The following CIMAP3 variants were observed in gnomAD, a reference collection of about 807,000 sequenced individuals.
CIMAP3 encodes ciliary microtubule associated protein 3.
chr1:111,338,920 A>G, the CIMAP3 span, among the ~76,000 whole-genome samples: 101 of 152,348 alleles, frequency 6.6e-4, 2 homozygotes, highest in East Asian at 9.0e-3. Flanking sequence ...ATTTTAGACC[A>G]ATATCCTTGA....
chr1:111,346,881 TC>T, the CIMAP3 span: 6 of 1,609,808 alleles, frequency 3.7e-6, no homozygotes, highest in Non-Finnish European at 5.1e-6. Context: ...GTGCCGTCCC[TC>T]ACGTGGAGCC....
chr1:111,326,869 G>T, the CIMAP3 span, among the ~76,000 whole-genome samples: 1 of 152,026 alleles, frequency 6.6e-6, no homozygotes, highest in East Asian at 1.9e-4. Flanking sequence ...TCATATCCAC[G>T]TTAGCCATTT....
chr1:111,337,776 A>C, the CIMAP3 span, among the ~76,000 whole-genome samples: 58 of 152,202 alleles, frequency 3.8e-4, no homozygotes, highest in Non-Finnish European at 1.3e-4. Context: ...TGTCAGCATT[A>C]GACAGATCAA....
the CIMAP3 span, among the ~76,000 whole-genome samples, chr1:111,350,543 C>T: frequency 6.6e-6 from 1 of 152,274 alleles, no homozygotes; most frequent in Non-Finnish European, 1.5e-5. Context: ...GTGCAGGTTT[C>T]ACTACTGGAA....
the CIMAP3 span, among the ~76,000 whole-genome samples, chr1:111,328,423 G>T: frequency 6.6e-6 from 1 of 152,178 alleles, no homozygotes; most frequent in Non-Finnish European, 1.5e-5. Context: ...CTTCCTCAGT[G>T]ATCTGTCTAA....
chr1:111,339,814 C>A, the CIMAP3 span, among the ~76,000 whole-genome samples: 4 of 151,972 alleles, frequency 2.6e-5, no homozygotes, highest in African/African-American at 9.7e-5. Flanking sequence ...CCATCCCCAT[C>A]AAGCTACCAA....
At chr1:111,350,074 A>C in the CIMAP3 span, 1 of 1,556,610 alleles carries the variant, frequency 6.4e-7, no homozygotes, top group Non-Finnish European at 8.9e-7. Context: ...TCACTAACTC[A>C]TTAGACATGA....
chr1:111,345,960 T>C, the CIMAP3 span, among the ~76,000 whole-genome samples: 1 of 152,278 alleles, frequency 6.6e-6, no homozygotes, highest in East Asian at 1.9e-4. Context: ...GGAATTTTTA[T>C]TCCCAATTTA....
chr1:111,350,211 C>G, the CIMAP3 span: 3 of 1,609,852 alleles, frequency 1.9e-6, no homozygotes, highest in South Asian at 1.1e-5. Context: ...AGAAAAGAAC[C>G]CTAAAAGCTG....
At chr1:111,328,595 T>C in the CIMAP3 span, among the ~76,000 whole-genome samples, 2 of 152,260 alleles carry the variant, frequency 1.3e-5, no homozygotes, top group African/African-American at 4.8e-5. Context: ...CCCTTTATCA[T>C]TATGTAATGC....
the CIMAP3 span, among the ~76,000 whole-genome samples, chr1:111,348,178 G>A: frequency 6.6e-6 from 1 of 152,100 alleles, no homozygotes; most frequent in Non-Finnish European, 1.5e-5. Context: ...CTTATTGGAC[G>A]ACATTTTCCT....
chr1:111,346,494 G>A, the CIMAP3 span: 2 of 1,057,592 alleles, frequency 1.9e-6, no homozygotes, highest in African/African-American at 1.6e-5. Flanking sequence ...TCCAAGGTGC[G>A]GGTTCCTGCC....
At chr1:111,340,420 A>G in the CIMAP3 span, among the ~76,000 whole-genome samples, 1 of 152,142 alleles carries the variant, frequency 6.6e-6, no homozygotes, top group African/African-American at 2.4e-5. Flanking sequence ...TGAACAGGCA[A>G]CCCACAAAAT....
the CIMAP3 span, chr1:111,347,618 C>CTTTTTTT: frequency 5.1e-5 from 47 of 929,642 alleles, 1 homozygote; most frequent in African/African-American, 2.5e-4. Context: ...GTTGTTTTTT[C>CTTTTTTT]TTTCTTTTTT....
the CIMAP3 span, chr1:111,350,134 C>T: frequency 1.2e-6 from 2 of 1,613,964 alleles, no homozygotes; most frequent in Non-Finnish European, 1.7e-6. Context: ...AGAGAAGAAG[C>T]CACCGCCAAA....
the CIMAP3 span, among the ~76,000 whole-genome samples, chr1:111,337,723 T>G: frequency 6.6e-6 from 1 of 152,086 alleles, no homozygotes; most frequent in Admixed American, 6.5e-5. Context: ...ACAAAGAGAA[T>G]TAGACTCCCA....
At chr1:111,333,933 G>A in the CIMAP3 span, among the ~76,000 whole-genome samples, 1 of 152,290 alleles carries the variant, frequency 6.6e-6, no homozygotes, top group South Asian at 2.1e-4. Flanking sequence ...CATTCTCATT[G>A]CATATACAGT....
chr1:111,340,769 C>G, the CIMAP3 span, among the ~76,000 whole-genome samples: 579 of 151,158 alleles, frequency 3.8e-3, 4 homozygotes, highest in African/African-American at 0.013. Flanking sequence ...GGACTGTAAA[C>G]TAGTTCAACC....
chr1:111,349,416 G>C, the CIMAP3 span: 15 of 152,448 alleles, frequency 9.8e-5, no homozygotes, highest in African/African-American at 3.6e-4. Context: ...AGGCCTTGCA[G>C]GCCAACAGGC....
Sources: gnomAD v4.1 joint callset for allele counts (sites outside exome capture counted in the v4.1 genomes callset) on GRCh38, gnomAD v4.1.1 for gene constraint, MANE v1.5 for transcripts, NCBI Gene and HGNC (gene_info 2026-07-23, HGNC 2026-07-21) for gene names.